The following MAPKAPK5 variants were observed in gnomAD, a reference collection of about 807,000 sequenced individuals.
The protein encoded by MAPKAPK5 is MAP kinase-activated protein kinase 5.
A neutral mutation model predicts 65.1 loss-of-function variants in MAPKAPK5; 30 were observed. That is an observed-to-expected ratio of 0.46 (90% confidence interval 0.34 to 0.63). The LOEUF is 0.63. MAPKAPK5 is among the 20% of genes least tolerant of loss of function. MAPKAPK5 has a pLI of 0.01. For synonymous variants in MAPKAPK5, 179 were observed against 204.6 expected (o/e 0.87, Z 1.07); for missense variants, 433 against 581.4 (o/e 0.74, Z 2.63).
chr12:111,865,860 G>T (rs1350183637), intron 2 of MAPKAPK5, among the ~76,000 whole-genome samples: 1 of 148,298 alleles, frequency 6.7e-6, no homozygotes, highest in East Asian at 2.0e-4. Context: ...AAAAAAAAAG[G>T]GTGTCGAGAC....
At chr12:111,847,739 A>G (rs937221433) in intron 1 of MAPKAPK5, among the ~76,000 whole-genome samples, 3 of 152,158 alleles carry the variant, frequency 2.0e-5, no homozygotes, top group Admixed American at 1.3e-4. Context: ...GGTGTATAAT[A>G]TTTCCATCCC....
intron 13 of MAPKAPK5, among the ~76,000 whole-genome samples, chr12:111,891,637 C>CAAAAAA (rs78504500): frequency 1.2e-5 from 1 of 86,220 alleles, no homozygotes; most frequent in East Asian, 2.7e-4. Context: ...ACTAAAAATA[C>CAAAAAA]AAAAAAAAAA....
rs1234875287 is a variant in MAPKAPK5, at chr12:111,896,256, T to G, written c.*3195T>G. The stretch of plus-strand genomic sequence containing the variant: ...AAGGTATCCAAAGTGATACTCCCTT[T>G]GACTCTGAGCATCAGTTGCCCGTGT... On this transcript the variant is annotated 3_prime_UTR_variant, in exon 14 of 14. Transcript: ENST00000550735. 6.6e-6 allele frequency: 1 copy of G among 152,194 alleles called. No homozygotes were observed. The highest frequency in any genetic ancestry group is 1.5e-5 in the Non-Finnish European group (1 of 68,036). The allele number at this position is 152,194 out of a possible 1,614,324, so 9.4% of individuals were successfully genotyped here.
At chr12:111,856,448 C>G (rs1165437811) in intron 1 of MAPKAPK5, among the ~76,000 whole-genome samples, 1 of 149,338 alleles carries the variant, frequency 6.7e-6, no homozygotes, top group Non-Finnish European at 1.5e-5. Flanking sequence ...CTCTGTCTAC[C>G]CAGGCTGGTG....
intron 1 of MAPKAPK5, among the ~76,000 whole-genome samples, chr12:111,859,641 TCTTTG>T (rs1566236594): frequency 3.3e-4 from 48 of 143,928 alleles, no homozygotes; most frequent in East Asian, 8.4e-4. Context: ...TCTTTTCTTT[TCTTTG>T]CTTTTCTTTT....
intron 9 of MAPKAPK5, 186 bp from the exon 10 acceptor site, chr12:111,885,730 C>T: frequency 1.6e-6 from 1 of 607,556 alleles, no homozygotes; most frequent in Non-Finnish European, 2.8e-6. Flanking sequence ...ATACAAAGGA[C>T]TGCCTCAAGC....
At chr12:111,842,978 C>T (rs889435199) in intron 1 of MAPKAPK5, 3 of 414,224 alleles carry the variant, frequency 7.2e-6, no homozygotes, top group Non-Finnish European at 1.3e-5. Flanking sequence ...CGCCAGCTTC[C>T]CTGGTGAGTG....
rs7968189 is a variant in MAPKAPK5 at position 111,881,216 on chromosome 12, G to A, written c.660+689G>A. 4.6e-3 allele frequency among the ~76,000 whole-genome samples: 706 copies of A among 151,912 alleles called. 7 individuals are homozygous for A. Among genetic ancestry groups the A allele is most frequent in the African/African-American group, 0.016 (645 of 41,418 alleles). ...AGTCTCCCAGGTAGCTGAGATGATG[G>A]GTGCATGCCACCACACTCAGCTAAT... On this transcript the variant is annotated intron_variant, in intron 8 of 13. Coordinates refer to ENST00000550735, the MANE Select transcript of MAPKAPK5 (RefSeq NM_003668.4).
Position 111,897,621 on chromosome 12 carries a change from A to T in MAPKAPK5, c.*4560A>T, listed in dbSNP as rs962599431. Reference sequence around the variant, plus strand: ...TTTTAAGAAGCTTTGCGCTTACATAAATCACAAGAAATACAGCTGGAAATC... The same window carrying T: ...TTTTAAGAAGCTTTGCGCTTACATATATCACAAGAAATACAGCTGGAAATC... On this transcript the variant is annotated 3_prime_UTR_variant, in exon 14 of 14. Coordinates refer to ENST00000550735, the MANE Select transcript of MAPKAPK5 (RefSeq NM_003668.4). 7 of 152,198 alleles carry T rather than the reference A, an allele frequency of 4.6e-5. No individual in the cohort carries two copies. The highest frequency in any genetic ancestry group is 6.5e-5 in the Admixed American group (1 of 15,276). The allele number at this position is 152,198 out of a possible 1,614,324, so 9.4% of individuals were successfully genotyped here.
At chr12:111,876,900 T>C (rs78766648) in intron 7 of MAPKAPK5, among the ~76,000 whole-genome samples, 1 of 142,758 alleles carries the variant, frequency 7.0e-6, no homozygotes, top group East Asian at 2.1e-4. Flanking sequence ...ATACACATTC[T>C]TACAGTGTAC....
At chr12:111,874,467 T>C (rs2069888413) in intron 7 of MAPKAPK5, among the ~76,000 whole-genome samples, 1 of 149,582 alleles carries the variant, frequency 6.7e-6, no homozygotes, top group African/African-American at 2.4e-5. Flanking sequence ...TTGTTTGTTT[T>C]GGGTTTTTTT....
chr12:111,866,700 C>T (rs909817456), intron 3 of MAPKAPK5, among the ~76,000 whole-genome samples: 1 of 152,108 alleles, frequency 6.6e-6, no homozygotes, highest in Non-Finnish European at 1.5e-5. Context: ...ACCTCCGCCT[C>T]CCGGGTTCAA....
chr12:111,856,404 T>TTC (rs397717249), intron 1 of MAPKAPK5, among the ~76,000 whole-genome samples: 1 of 142,942 alleles, frequency 7.0e-6, no homozygotes, highest in African/African-American at 2.7e-5. Flanking sequence ...TCTTTTTTTT[T>TTC]CTTTCTTTTT....
chr12:111,856,224 A>T (rs1271108248), intron 1 of MAPKAPK5, among the ~76,000 whole-genome samples: 1 of 151,984 alleles, frequency 6.6e-6, no homozygotes, highest in Non-Finnish European at 1.5e-5. Flanking sequence ...GCTTAATTCC[A>T]TGGTGGTTGG....
At chr12:111,880,302 G>A in intron 7 of MAPKAPK5, 145 bp from the exon 8 acceptor site, 1 of 659,714 alleles carries the variant, frequency 1.5e-6, no homozygotes, top group Non-Finnish European at 2.7e-6. Flanking sequence ...AACGTTTTTG[G>A]AAGTGTAGTG....
chr12:111,884,662 G>A (rs2070346318), intron 9 of MAPKAPK5, among the ~76,000 whole-genome samples: 1 of 152,188 alleles, frequency 6.6e-6, no homozygotes, highest in South Asian at 2.1e-4. Context: ...CTGCCCACCT[G>A]TGTGGGAGGC....
chr12:111,863,500 G>T (rs777846430), intron 1 of MAPKAPK5, among the ~76,000 whole-genome samples: 5 of 152,074 alleles, frequency 3.3e-5, no homozygotes, highest in Admixed American at 6.6e-5. Context: ...TGTGTATTAC[G>T]TAAGCAAATA....
intron 7 of MAPKAPK5, among the ~76,000 whole-genome samples, chr12:111,879,534 C>T (rs372252423): frequency 6.6e-6 from 1 of 151,830 alleles, no homozygotes; most frequent in South Asian, 2.1e-4. Context: ...GGATTACAGG[C>T]GCCCACCACC....
chr12:111,861,477 G>A (rs1186634965), intron 1 of MAPKAPK5, among the ~76,000 whole-genome samples: 4 of 151,804 alleles, frequency 2.6e-5, no homozygotes, highest in African/African-American at 7.3e-5. Context: ...TACAGGCGCC[G>A]CCACCACACC....
Sources: gnomAD v4.1 joint callset for allele counts (sites outside exome capture counted in the v4.1 genomes callset) on GRCh38, gnomAD v4.1.1 for gene constraint, MANE v1.5 for transcripts, NCBI Gene and HGNC (gene_info 2026-07-23, HGNC 2026-07-21) for gene names.